TOR1A: variants seen among roughly 807,000 people sequenced by gnomAD.
The protein encoded by TOR1A is torsin-1A.
TOR1A carries 18 observed loss-of-function variants against 31.4 expected under a neutral mutation model. The observed-to-expected ratio is 0.57, with a 90% confidence interval of 0.40 to 0.85. The LOEUF is 0.85. TOR1A is among the 40% of genes least tolerant of loss of function. The probability of loss-of-function intolerance (pLI) is 0.00; values close to 1 mark genes in which losing one functional copy is unlikely to be tolerated. For missense variants in TOR1A, 375 were observed against 416.4 expected (o/e 0.90, Z 0.87); for synonymous variants, 168 against 165.9 (o/e 1.01, Z -0.10).
In TOR1A at chr9:129,824,040, ACGGCGCCAG is replaced by A. The variant is rs1366413638; in HGVS notation, c.37_45del (p.Leu13_Pro15del). On this transcript the variant is annotated inframe_deletion, in exon 1 of 5. Transcript: ENST00000351698. ...ATGGGCTCCACCGCCTGCACCACGGACGGCGCCAGCAGCAGCAGGCCCAGCACGGCCCGG... is the reference window on the plus strand; with the variant it reads ...ATGGGCTCCACCGCCTGCACCACGGACAGCAGCAGGCCCAGCACGGCCCGG... 10 of 1,606,194 alleles carry A rather than the reference ACGGCGCCAG, an allele frequency of 6.2e-6. No individual in the cohort carries two copies. Among genetic ancestry groups the A allele is most frequent in the African/African-American group, 1.3e-5 (1 of 74,788 alleles).
intron 2 of TOR1A, among the ~76,000 whole-genome samples, chr9:129,820,577 C>G (rs961856591): frequency 1.3e-5 from 2 of 152,118 alleles, no homozygotes; most frequent in African/African-American, 4.8e-5. Context: ...CTAAGATGAT[C>G]AACTTATCCT....
In TOR1A at chr9:129,824,057, AGGCCCAGCACGGCCC is replaced by A; in HGVS notation, c.14_28del (p.Arg5_Gly9del). On this transcript the variant is annotated inframe_deletion, in exon 1 of 5. Transcript: ENST00000351698. Reference sequence around the variant, plus strand: ...CACCACGGACGGCGCCAGCAGCAGCAGGCCCAGCACGGCCCGGCCCAGCTTCATGCCCGGACCCGC... The same window carrying A: ...CACCACGGACGGCGCCAGCAGCAGCAGGCCCAGCTTCATGCCCGGACCCGC... 1 of 1,601,062 alleles carries A rather than the reference AGGCCCAGCACGGCCC, an allele frequency of 6.2e-7. No individual in the cohort carries two copies. The highest frequency in any genetic ancestry group is 8.5e-7 in the Non-Finnish European group (1 of 1,175,966).
At position 129,818,546 on chromosome 9, in the gene TOR1A, G is replaced by A. The variant is rs373087793; in HGVS notation, c.722C>T (p.Ser241Phe). 1 of 1,614,196 alleles carries A rather than the reference G, an allele frequency of 6.2e-7. No individual in the cohort carries two copies. Among genetic ancestry groups the A allele is most frequent in the Non-Finnish European group, 8.5e-7 (1 of 1,180,034 alleles). The change falls in exon 4 of 5, where the codon TCT (serine) becomes TTT (phenylalanine). Residue 241 changes from serine (S) to phenylalanine (F), a missense_variant. Physicochemically the swap from Ser to Phe is radical, Grantham distance 155 (BLOSUM62 -2). Coordinates refer to ENST00000351698, the MANE Select transcript of TOR1A (RefSeq NM_000113.3). ...IKLKDIEHAL[S>F]VSVFNNKNSG... The stretch of plus-strand genomic sequence containing the variant: ...GTTCTTGTTATTGAAAACCGACACA[G>A]ACAACGCGTGTTCAATGTCTTTGAG...
Position 129,823,931 on chromosome 9 carries a change from T to G in TOR1A, c.155A>C (p.Gln52Pro), listed in dbSNP as rs1168377670. 2.6e-6 allele frequency: 4 copies of G among 1,568,594 alleles called. No homozygotes were observed. The highest frequency in any genetic ancestry group is 2.6e-6 in the Non-Finnish European group (3 of 1,153,632). Residue 52 changes from glutamine to proline, a missense_variant, in exon 1 of 5, where the codon CAG (glutamine) becomes CCG (proline). By Grantham distance (76) the Gln-to-Pro change is moderately conservative. Transcript: ENST00000351698. ...ACCCTCCCGGCTAAGGCTCCGCTTC[T>G]GCCCGCAGCACTCGGCGAAGAGGCA... Reference protein sequence around the residue: ...LYCLFAECCGQKRSLSREALQ... With the variant: ...LYCLFAECCGPKRSLSREALQ...
chr9:129,821,422 G>A (rs1414904509), intron 2 of TOR1A: 1 of 152,228 alleles, frequency 6.6e-6, no homozygotes, highest in Non-Finnish European at 1.5e-5. Flanking sequence ...CCAGGTACAT[G>A]TTATGCACTT....
chr9:129,822,332 C>G, intron 2 of TOR1A: 1 of 530,296 alleles, frequency 1.9e-6, no homozygotes, highest in Non-Finnish European at 3.5e-6. Flanking sequence ...TGATCATGTC[C>G]ACCTCTAAAA....
chr9:129,815,505 T>C (rs1015133811), intron 4 of TOR1A, among the ~76,000 whole-genome samples: 1 of 152,178 alleles, frequency 6.6e-6, no homozygotes. Flanking sequence ...AGAACGGACA[T>C]GGAGAGCGGG....
chr9:129,821,556 TC>T (rs909720752), intron 2 of TOR1A: 6 of 152,230 alleles, frequency 3.9e-5, no homozygotes, highest in African/African-American at 1.4e-4. Flanking sequence ...TCCAGATGTG[TC>T]TGCTGCCAAA....
chr9:129,814,061 TCTCCTCA>T lies in TOR1A; in HGVS notation c.903_909del (p.Glu302Ter). The stretch of plus-strand genomic sequence containing the variant: ...CTCTCCTCTTTGGGGAAAAATGTCA[TCTCCTCA>T]GCCACTCTGCTTACAATGTCTTCAT... On this transcript the variant is annotated frameshift_variant, in exon 5 of 5. Transcript: ENST00000351698. LOFTEE classifies it high-confidence loss of function. 1 of 1,614,172 alleles carries T rather than the reference TCTCCTCA, an allele frequency of 6.2e-7. No individual in the cohort carries two copies. Among genetic ancestry groups the T allele is most frequent in the South Asian group, 1.1e-5 (1 of 91,088 alleles).
chr9:129,818,473 G>A (rs1331265152), intron 4 of TOR1A, 47 bp downstream of exon 4: 2 of 1,612,038 alleles, frequency 1.2e-6, no homozygotes, highest in South Asian at 1.1e-5. Flanking sequence ...CACTTAGGGT[G>A]CAGGATTAGG....
chr9:129,814,236 A>G lies in TOR1A; in HGVS notation c.749-14T>C, dbSNP rs2030974939. 6.2e-7 allele frequency: 1 copy of G among 1,614,030 alleles called. No individual in the cohort carries two copies. Among genetic ancestry groups the G allele is most frequent in the Admixed American group, 1.7e-5 (1 of 60,014 alleles). On this transcript the variant is annotated splice_polypyrimidine_tract_variant and intron_variant, in intron 4 of 4. Transcript: ENST00000351698. ...GCCAGAAGCCACCTGGGAAGAAGAA[A>G]CAAGGTGCTGTTCATCCACATCCAC...
intron 4 of TOR1A, 157 bp downstream of exon 4, chr9:129,818,363 T>C (rs2031092616): frequency 2.6e-6 from 3 of 1,134,116 alleles, no homozygotes; most frequent in Non-Finnish European, 3.9e-6. Flanking sequence ...CTGGAGTTCA[T>C]CAGCAAAGAT....
At chr9:129,823,168 A>C in intron 1 of TOR1A, 1 of 432,930 alleles carries the variant, frequency 2.3e-6, no homozygotes, top group Non-Finnish European at 4.3e-6. Flanking sequence ...GAAAGGAAAC[A>C]GTTTGGTCCC....
At chr9:129,820,743 T>C (rs2031164472) in intron 2 of TOR1A, among the ~76,000 whole-genome samples, 1 of 152,022 alleles carries the variant, frequency 6.6e-6, no homozygotes, top group African/African-American at 2.4e-5. Context: ...TACAGGTGCA[T>C]GCCACCATGC....
Position 129,813,714 on chromosome 9 carries a change from C to G in TOR1A, c.*258G>C, listed in dbSNP as rs1327933406. On this transcript the variant is annotated 3_prime_UTR_variant, in exon 5 of 5. Transcript: ENST00000351698. ...ACATAATTTGTAAAAAATCATGAGC[C>G]CTGCGATGAGTGGGCTGGGAGCTGG... 1 of 577,750 alleles carries G rather than the reference C, an allele frequency of 1.7e-6. No homozygotes were observed. Among genetic ancestry groups the G allele is most frequent in the African/African-American group, 1.9e-5 (1 of 53,452 alleles). The allele number at this position is 577,750 out of a possible 1,614,324, so 35.8% of individuals were successfully genotyped here. A position where few individuals can be genotyped will look rare whatever the true frequency, so the allele number is the denominator to read the frequency against.
At position 129,824,096 on chromosome 9, in the gene TOR1A, G is replaced by A. The variant is rs2031266060; in HGVS notation, c.-11C>T. ...CCGGCCCAGCTTCATGCCCGGACCC[G>A]CGCCACCCTGCTTGTTCTCGCGCCG... On this transcript the variant is annotated 5_prime_UTR_variant, in exon 1 of 5. Transcript: ENST00000351698. 3 of 1,561,060 alleles carry A rather than the reference G, an allele frequency of 1.9e-6. No individual in the cohort carries two copies. The highest frequency in any genetic ancestry group is 2.7e-5 in the African/African-American group (2 of 74,020).
In TOR1A at chr9:129,814,397, A is replaced by AG. The variant is rs143283694; in HGVS notation, c.749-176dup. Among the ~76,000 whole-genome samples the AG allele has an allele frequency of 0.16, 10,165 of 65,486 alleles. 414 individuals are homozygous for AG. The highest frequency in any genetic ancestry group is 0.24 in the Middle Eastern group (38 of 158). 43.0% of individuals were successfully genotyped at this position (65,486 alleles called of 152,430 possible). ...CCCACCCACCCCCCCCACATCTACT[A>AG]GGGGTCACCCACCCTCCCATCCATC... On this transcript the variant is annotated intron_variant, in intron 4 of 4. Transcript: ENST00000351698.
chr9:129,821,010 A>T (rs55946414), intron 2 of TOR1A, among the ~76,000 whole-genome samples: 25,896 of 152,196 alleles, frequency 0.17, 2,647 homozygotes, highest in Non-Finnish European at 0.22. Context: ...AGGGATAAAT[A>T]ACTGATTGAG....
intron 4 of TOR1A, among the ~76,000 whole-genome samples, chr9:129,814,586 C>T (rs1213129815): frequency 6.6e-6 from 1 of 151,638 alleles, no homozygotes; most frequent in East Asian, 1.9e-4. Flanking sequence ...GGCACCTGCA[C>T]ATTGTAATGC....
Sources: gnomAD v4.1 joint callset for allele counts (sites outside exome capture counted in the v4.1 genomes callset) on GRCh38, gnomAD v4.1.1 for gene constraint, MANE v1.5 for transcripts, NCBI Gene and HGNC (gene_info 2026-07-23, HGNC 2026-07-21) for gene names.